Variants in RPS6KC1 observed in about 807,000 individuals in gnomAD.
RPS6KC1 encodes the protein ribosomal protein S6 kinase C1.
A neutral mutation model predicts 103.8 loss-of-function variants in RPS6KC1; 54 were observed. That is an observed-to-expected ratio of 0.52 (90% CI 0.42 to 0.65). The LOEUF (loss-of-function observed/expected upper bound fraction) is 0.65. Among genes scored for constraint, RPS6KC1 ranks in the 30% least tolerant of loss-of-function variants. The pLI is 0.00. For missense variants in RPS6KC1, 1,151 were observed against 1,253.8 expected, an observed-to-expected ratio of 0.92 and a Z score of 1.24; for synonymous variants, 439 against 438.7, an observed-to-expected ratio of 1.00 and a Z score of -0.01.
At chr1:213,766,018 T>A in the RPS6KC1 span, among the ~76,000 whole-genome samples, 2 of 152,108 alleles carry the variant, frequency 1.3e-5, no homozygotes, top group Non-Finnish European at 2.9e-5. Flanking sequence ...AGTGGACAGA[T>A]TAGGAAGCTT....
chr1:213,310,203 TG>T, the RPS6KC1 span, among the ~76,000 whole-genome samples: 1 of 152,218 alleles, frequency 6.6e-6, no homozygotes, highest in African/African-American at 2.4e-5. Flanking sequence ...GCAGTCATAG[TG>T]ACCCTTTTAA....
chr1:213,407,981 A>G, the RPS6KC1 span, among the ~76,000 whole-genome samples: 1 of 152,232 alleles, frequency 6.6e-6, no homozygotes, highest in Admixed American at 6.5e-5. Flanking sequence ...AATTTATTGA[A>G]TGAATTCCCA....
the RPS6KC1 span, among the ~76,000 whole-genome samples, chr1:213,565,173 A>C: frequency 6.6e-6 from 1 of 152,190 alleles, no homozygotes; most frequent in Non-Finnish European, 1.5e-5. Context: ...CATATATTAG[A>C]AATGTAAAAT....
the RPS6KC1 span, among the ~76,000 whole-genome samples, chr1:213,522,887 T>C: frequency 4.6e-5 from 7 of 152,236 alleles, no homozygotes; most frequent in African/African-American, 1.4e-4. Context: ...TGCTTTCTTA[T>C]CATTGGTGTG....
chr1:213,743,402 A>G, the RPS6KC1 span, among the ~76,000 whole-genome samples: 1 of 152,120 alleles, frequency 6.6e-6, no homozygotes, highest in Non-Finnish European at 1.5e-5. Context: ...GAAAGGAGAG[A>G]GGAATGGGTG....
chr1:213,058,262 T>G (rs774528191), intron 1 of RPS6KC1, among the ~76,000 whole-genome samples: 1 of 151,966 alleles, frequency 6.6e-6, no homozygotes, highest in African/African-American at 2.4e-5. Context: ...AAAGCACAAT[T>G]TGTAATTTTG....
chr1:213,159,128 C>T (rs191855075), intron 6 of RPS6KC1, among the ~76,000 whole-genome samples: 2 of 151,862 alleles, frequency 1.3e-5, no homozygotes, highest in Non-Finnish European at 1.5e-5. Flanking sequence ...AAAAAACAAC[C>T]CTTAAACTTC....
At chr1:213,451,082 C>T in the RPS6KC1 span, among the ~76,000 whole-genome samples, 2 of 152,150 alleles carry the variant, frequency 1.3e-5, no homozygotes, top group African/African-American at 4.8e-5. Context: ...TCGAAAAGAG[C>T]ACTCACCCGT....
the RPS6KC1 span, among the ~76,000 whole-genome samples, chr1:213,300,308 G>A: frequency 6.6e-6 from 1 of 152,286 alleles, no homozygotes; most frequent in East Asian, 1.9e-4. Flanking sequence ...GTGCCTAATG[G>A]CCACTGGCAA....
the RPS6KC1 span, among the ~76,000 whole-genome samples, chr1:213,420,817 A>C: frequency 6.6e-6 from 1 of 152,178 alleles, no homozygotes; most frequent in Non-Finnish European, 1.5e-5. Flanking sequence ...TCTGAGATCA[A>C]GGTGCTGGCA....
the RPS6KC1 span, among the ~76,000 whole-genome samples, chr1:213,772,835 G>A: frequency 6.6e-6 from 1 of 152,192 alleles, no homozygotes; most frequent in African/African-American, 2.4e-5. Flanking sequence ...TGAGGCCAAG[G>A]TTATCCAAGG....
chr1:213,193,076 T>G (rs1220964417), intron 8 of RPS6KC1, among the ~76,000 whole-genome samples: 3 of 152,074 alleles, frequency 2.0e-5, no homozygotes, highest in African/African-American at 4.8e-5. Flanking sequence ...ATTCCAGTTT[T>G]TTTTTTTTTT....
intron 6 of RPS6KC1, among the ~76,000 whole-genome samples, chr1:213,154,517 C>T (rs930759674): frequency 2.0e-5 from 3 of 152,224 alleles, no homozygotes; most frequent in African/African-American, 7.2e-5. Context: ...GCAGACAAGC[C>T]TTACCCCATA....
the RPS6KC1 span, among the ~76,000 whole-genome samples, chr1:213,722,769 G>A: frequency 6.6e-6 from 1 of 152,306 alleles, no homozygotes; most frequent in Admixed American, 6.5e-5. Context: ...GGACTCCGCA[G>A]AGGAGTCCGA....
chr1:213,531,016 T>G, the RPS6KC1 span, among the ~76,000 whole-genome samples: 4 of 152,222 alleles, frequency 2.6e-5, no homozygotes, highest in Admixed American at 6.5e-5. Flanking sequence ...TTGTTATTTT[T>G]TTGAAGCAGC....
At chr1:213,532,745 GA>G in the RPS6KC1 span, among the ~76,000 whole-genome samples, 5 of 152,210 alleles carry the variant, frequency 3.3e-5, no homozygotes, top group African/African-American at 7.2e-5. Flanking sequence ...TTCAGAGGGG[GA>G]TGTGCAGTGT....
the RPS6KC1 span, among the ~76,000 whole-genome samples, chr1:213,542,003 T>C: frequency 6.1e-3 from 935 of 152,300 alleles, 7 homozygotes; most frequent in Non-Finnish European, 8.3e-3. Flanking sequence ...TTTGGGACTT[T>C]GTCTTCTTCC....
the RPS6KC1 span, among the ~76,000 whole-genome samples, chr1:213,298,555 G>A: frequency 6.6e-6 from 1 of 151,874 alleles, no homozygotes; most frequent in Non-Finnish European, 1.5e-5. Context: ...GAGCATTTCT[G>A]TTAGCTAAGT....
chr1:213,416,523 A>C, the RPS6KC1 span, among the ~76,000 whole-genome samples: 19 of 152,200 alleles, frequency 1.2e-4, no homozygotes, highest in South Asian at 2.1e-4. Context: ...GGGTAGCGTG[A>C]AAATCAGAGG....
Sources: allele counts gnomAD v4.1 joint callset (sites outside exome capture counted in the v4.1 genomes callset), GRCh38; gene constraint gnomAD v4.1.1; transcripts MANE v1.5; gene names NCBI Gene and HGNC (gene_info 2026-07-23, HGNC 2026-07-21).